Variants in PXK observed in about 807,000 individuals in gnomAD.
The protein encoded by PXK is PX domain containing serine/threonine kinase like, also known as PX domain-containing protein kinase-like protein.
A neutral mutation model predicts 84.7 loss-of-function variants in PXK; 35 were observed. The ratio of observed to expected loss-of-function variants is 0.41; its 90% CI spans 0.32 to 0.55. The LOEUF is 0.55. Among genes scored for constraint, PXK ranks in the 20% least tolerant of loss-of-function variants. The pLI is 0.21. For missense variants in PXK, 634 were observed against 699.7 expected (o/e 0.91, Z 1.06); for synonymous variants, 253 against 260.8 (o/e 0.97, Z 0.29).
chr3:58,356,902 CT>C (rs77387058), intron 1 of PXK, among the ~76,000 whole-genome samples: 122,941 of 144,334 alleles, frequency 0.85, 53,006 homozygotes, highest in East Asian at 0.98. Flanking sequence ...CGCCCGGCCT[CT>C]TTTTTTTTTT....
chr3:58,370,327 GTGT>G lies in PXK; in HGVS notation c.201+852_201+854del, dbSNP rs2098347073. Among the ~76,000 whole-genome samples, 1 of 152,210 alleles carries G rather than the reference GTGT, an allele frequency of 6.6e-6. No individual in the cohort carries two copies. Among genetic ancestry groups the G allele is most frequent in the Non-Finnish European group, 1.5e-5 (1 of 68,036 alleles). On this transcript the variant is annotated intron_variant, in intron 3 of 17. Coordinates refer to ENST00000356151, the MANE Select transcript of PXK (RefSeq NM_017771.5). The surrounding 1 kb of genome is among the most constrained non-coding windows in gnomAD (Gnocchi z 4.2). ...AGGTCTTCATCTAGAAACACAGCCA[GTGT>G]TGGTAATGGTTAAAGGGTCCAAGAG... is the stretch of plus-strand genomic sequence containing the variant.
intron 1 of PXK, among the ~76,000 whole-genome samples, 164 bp from the exon 2 acceptor site, chr3:58,365,710 T>G (rs1376219516): frequency 2.6e-5 from 4 of 152,200 alleles, no homozygotes; most frequent in Non-Finnish European, 5.9e-5. Context: ...TCCTGGTAGA[T>G]TACCCTTTTG....
intron 1 of PXK, among the ~76,000 whole-genome samples, chr3:58,335,393 G>A (rs1457516388): frequency 6.6e-6 from 1 of 152,174 alleles, no homozygotes. Flanking sequence ...CATCAGCCCT[G>A]AAGTTTATTG....
chr3:58,367,973 C>T (rs2108479932), intron 2 of PXK, among the ~76,000 whole-genome samples: 1 of 151,450 alleles, frequency 6.6e-6, no homozygotes, highest in South Asian at 2.1e-4. Flanking sequence ...GCATGAGCCA[C>T]CATGCCTGGC....
chr3:58,361,028 G>C lies in PXK; in HGVS notation c.103-4846G>C, dbSNP rs1575997261. Among the ~76,000 whole-genome samples the C allele has an allele frequency of 2.0e-5, 3 of 151,936 alleles. No individual in the cohort carries two copies. The East Asian group carries it at 5.8e-4, about 29-fold the overall frequency. On this transcript the variant is annotated intron_variant, in intron 1 of 17. Transcript: ENST00000356151. The stretch of plus-strand genomic sequence containing the variant: ...ACTTCTCATTTTGGCCGGGCGCGGT[G>C]GTTCACGCCTGTAATCCTGGCACTT...
At chr3:58,336,071 AT>A (rs1171021563) in intron 1 of PXK, among the ~76,000 whole-genome samples, 1,154 of 51,376 alleles carry the variant, frequency 0.022, 42 homozygotes, top group Non-Finnish European at 0.028. Flanking sequence ...ATATATATAT[AT>A]TTTTTTTTTT....
intron 7 of PXK, among the ~76,000 whole-genome samples, chr3:58,394,254 A>C (rs891861412): frequency 1.3e-5 from 2 of 152,196 alleles, no homozygotes; most frequent in African/African-American, 4.8e-5. Context: ...GCTAGTGAAC[A>C]TTGTAATACC....
chr3:58,378,510 TTTTGTGTGTGTGTGTGTGTGTG>T lies in PXK; in HGVS notation c.202-4002_202-3981del, dbSNP rs1254299169. ...TTTTCTTCTTTTTTTTTTTTTTTTTTTTTGTGTGTGTGTGTGTGTGTGTGTGTGTGTGTGTGTGTGTGTGACG... is the reference window on the plus strand; with the variant it reads ...TTTTCTTCTTTTTTTTTTTTTTTTTTTGTGTGTGTGTGTGTGTGTGTGACG... On this transcript the variant is annotated intron_variant, in intron 3 of 17. Transcript: ENST00000356151. Among the ~76,000 whole-genome samples the T allele has an allele frequency of 1.1e-4, 3 of 27,724 alleles. 1 individual carries two copies. Among genetic ancestry groups the T allele is most frequent in the Non-Finnish European group, 2.7e-4 (3 of 11,040 alleles). The allele number at this position is 27,724 out of a possible 152,430, so 18.2% of individuals were successfully genotyped here. A position where few individuals can be genotyped will look rare whatever the true frequency, so the allele number is the denominator to read the frequency against.
Position 58,390,756 on chromosome 3 carries a change from T to C in PXK, c.466+97T>C, listed in dbSNP as rs2098621571. The C allele has an allele frequency of 8.6e-7, 1 of 1,156,370 alleles. No individual in the cohort carries two copies. Among genetic ancestry groups the C allele is most frequent in the East Asian group, 2.5e-5 (1 of 40,572 alleles). The allele number at this position is 1,156,370 out of a possible 1,614,324, so 71.6% of individuals were successfully genotyped here. ...TACGTATCCCAGGAACATGCTTAAA[T>C]GCAGGTGACTTCTTTTTCTTTTTGC... On this transcript the variant is annotated intron_variant, in intron 5 of 17. Transcript: ENST00000356151. The surrounding 1 kb of genome is among the most constrained non-coding windows in gnomAD (Gnocchi z 4.2).
At chr3:58,353,778 G>A (rs77480019) in intron 1 of PXK, among the ~76,000 whole-genome samples, 4,460 of 152,318 alleles carry the variant, frequency 0.029, 95 homozygotes, top group Non-Finnish European at 0.05. Context: ...AGGGGCATAA[G>A]TAAGGGATAT....
intron 1 of PXK, among the ~76,000 whole-genome samples, chr3:58,356,765 G>C (rs144006097): frequency 6.6e-6 from 1 of 151,570 alleles, no homozygotes; most frequent in African/African-American, 2.4e-5. Context: ...CTCCATGCCC[G>C]GCTAATTTTT....
intron 3 of PXK, among the ~76,000 whole-genome samples, chr3:58,372,414 C>T (rs1390107595): frequency 2.6e-5 from 4 of 151,230 alleles, no homozygotes; most frequent in African/African-American, 9.7e-5. Flanking sequence ...GCTCCGCCTC[C>T]CGGGTTCACC....
chr3:58,363,066 T>C (rs1195849538), intron 1 of PXK, among the ~76,000 whole-genome samples: 1 of 152,106 alleles, frequency 6.6e-6, no homozygotes, highest in Non-Finnish European at 1.5e-5. Context: ...AAACTTTTAA[T>C]AGGATTTGTT....
chr3:58,358,145 T>A (rs1374858733), intron 1 of PXK, among the ~76,000 whole-genome samples: 2 of 152,236 alleles, frequency 1.3e-5, no homozygotes, highest in East Asian at 3.8e-4. Flanking sequence ...TTATCATTTC[T>A]TTGTGGTGAG....
chr3:58,339,631 T>C (rs186341273), intron 1 of PXK, among the ~76,000 whole-genome samples: 140 of 152,224 alleles, frequency 9.2e-4, no homozygotes, highest in African/African-American at 3.3e-3. Context: ...TTTCTCGTAA[T>C]AAGAATATAA....
rs2061947672 is a variant in PXK at position 58,421,980 on chromosome 3, C to T, written c.1529-2772C>T. 2.0e-6 allele frequency: 2 copies of T among 985,252 alleles called. No homozygotes were observed. Among genetic ancestry groups the T allele is most frequent in the Non-Finnish European group, 2.4e-6 (2 of 829,926 alleles). The allele number at this position is 985,252 out of a possible 1,614,324, so 61.0% of individuals were successfully genotyped here. On this transcript the variant is annotated intron_variant, in intron 17 of 17. Transcript: ENST00000356151. The surrounding 1 kb of genome is among the most constrained non-coding windows in gnomAD (Gnocchi z 5.5). ...TGGAGGTCTCTTGGCAGGAAGGCCT[C>T]ATTCACATCTGAGGGGTGGAGAGCG...
At chr3:58,410,213 G>A (rs111374218) in intron 16 of PXK, 54 bp downstream of exon 16, 2 of 1,364,664 alleles carry the variant, frequency 1.5e-6, no homozygotes, top group African/African-American at 2.9e-5. Context: ...AGGATCAGGA[G>A]TCTCTAGTTG....
intron 16 of PXK, 85 bp downstream of exon 16, chr3:58,410,244 G>T: frequency 1.0e-6 from 1 of 999,178 alleles, no homozygotes. Context: ...CTTGAGTTCT[G>T]CTGGCCAGAA....
rs562506012 is a variant in PXK, at chr3:58,333,566, G to T, written c.102+476G>T. ...CCGGGCCAAATGAAGTGTGACTCCA[G>T]AGCCTACTTGTTGGGACAGCAGAGT... On this transcript the variant is annotated intron_variant, in intron 1 of 17. Transcript: ENST00000356151. The surrounding 1 kb of genome is among the most constrained non-coding windows in gnomAD (Gnocchi z 5.4). The T allele has an allele frequency of 2.2e-6, 1 of 456,646 alleles. No homozygotes were observed. The highest frequency in any genetic ancestry group is 4.4e-6 in the Non-Finnish European group (1 of 226,980). The allele number at this position is 456,646 out of a possible 1,614,324, so 28.3% of individuals were successfully genotyped here.
Sources: gnomAD v4.1 joint callset for allele counts (sites outside exome capture counted in the v4.1 genomes callset) on GRCh38, gnomAD v4.1.1 for gene constraint, Gnocchi (gnomAD v3.1) non-coding constraint, MANE v1.5 for transcripts, NCBI Gene and HGNC (gene_info 2026-07-23, HGNC 2026-07-21) for gene names.